Variants in LDHD observed in about 807,000 individuals in gnomAD.
LDHD encodes the protein D-lactate dehydrogenase, mitochondrial.
In LDHD, 58 loss-of-function variants were observed where a neutral mutation model predicts 52.9. The observed-to-expected ratio is 1.10, with a 90% confidence interval of 0.89 to 1.36. The LOEUF is 1.36. Ranked by LOEUF, LDHD falls within the 40% of genes most tolerant of loss-of-function variation. The probability of loss-of-function intolerance (pLI) is 0.00; values close to 1 mark genes in which losing one functional copy is unlikely to be tolerated. For synonymous variants in LDHD, 350 were observed against 288.6 expected, an observed-to-expected ratio of 1.21 and a Z score of -2.16; for missense variants, 747 against 668.0, an observed-to-expected ratio of 1.12 and a Z score of -1.30.
chr16:75,112,921 A>AG lies in LDHD; in HGVS notation c.1089dup (p.Tyr364LeufsTer38), dbSNP rs1339765605. 3 of 1,610,260 alleles carry AG rather than the reference A, an allele frequency of 1.9e-6. No individual in the cohort carries two copies. The South Asian group carries it at 3.3e-5, about 18-fold the overall frequency. On this transcript the variant is annotated frameshift_variant, in exon 9 of 11. Transcript: ENST00000450168. LOFTEE classifies it high-confidence loss of function. Reference sequence around the variant, plus strand: ...ATGGGCACACACACATCCGTGGAGTAGCCCTGGTCAGAGGGAAGCCTATGA... The same window carrying AG: ...ATGGGCACACACACATCCGTGGAGTAGGCCCTGGTCAGAGGGAAGCCTATGA...
Position 75,112,053 on chromosome 16 carries a change from G to A in LDHD, c.*303C>T. ...AGGGGTGTCATCAGAGTCTTGAATG[G>A]ACCCAGACGCTCTCTTCCCGCCAGG... On this transcript the variant is annotated 3_prime_UTR_variant, in exon 11 of 11. Coordinates refer to ENST00000450168, the MANE Select transcript of LDHD (RefSeq NM_194436.3). The A allele has an allele frequency of 2.8e-6, 1 of 354,258 alleles. No homozygotes were observed. Among genetic ancestry groups the A allele is most frequent in the Admixed American group, 4.3e-5 (1 of 23,176 alleles). The allele number at this position is 354,258 out of a possible 1,614,324, so 21.9% of individuals were successfully genotyped here.
intron 1 of LDHD, among the ~76,000 whole-genome samples, chr16:75,116,161 A>T (rs1271616571): frequency 6.6e-6 from 1 of 152,176 alleles, no homozygotes; most frequent in Non-Finnish European, 1.5e-5. Flanking sequence ...CTCCAGGGCC[A>T]ACCAAGCACC....
chr16:75,116,084 A>G (rs993041798), intron 1 of LDHD, among the ~76,000 whole-genome samples: 8 of 152,212 alleles, frequency 5.3e-5, no homozygotes, highest in African/African-American at 1.9e-4. Context: ...CAAAAAGGCT[A>G]TCAGCAGGGT....
At chr16:75,115,723 C>T in intron 1 of LDHD, 63 bp from the exon 2 acceptor site, 1 of 1,064,984 alleles carries the variant, frequency 9.4e-7, no homozygotes, top group Non-Finnish European at 1.4e-6. Flanking sequence ...AGCCCTGCCC[C>T]AGTGTCGGGG....
chr16:75,116,553 T>C, intron 1 of LDHD, 96 bp downstream of exon 1: 2 of 1,022,982 alleles, frequency 2.0e-6, no homozygotes, highest in Non-Finnish European at 3.0e-6. Context: ...CACTTGGTGC[T>C]GGGGCGTCAC....
chr16:75,116,285 G>A (rs2036554699), intron 1 of LDHD, among the ~76,000 whole-genome samples: 1 of 152,004 alleles, frequency 6.6e-6, no homozygotes, highest in Non-Finnish European at 1.5e-5. Context: ...CGTGGGGGGC[G>A]GGGCGCGGCG....
chr16:75,116,426 T>C (rs1245697495), intron 1 of LDHD, among the ~76,000 whole-genome samples: 1 of 152,114 alleles, frequency 6.6e-6, no homozygotes, highest in Non-Finnish European at 1.5e-5. Flanking sequence ...TCCAGGGGCA[T>C]CCATTTGACT....
chr16:75,113,428 C>G, intron 8 of LDHD, 107 bp downstream of exon 8: 1 of 1,374,830 alleles, frequency 7.3e-7, no homozygotes, highest in South Asian at 1.4e-5. Context: ...CAGGCCCAGC[C>G]CCGTTGTTGA....
chr16:75,112,993 G>A, intron 8 of LDHD, 69 bp from the exon 9 acceptor site: 1 of 1,196,196 alleles, frequency 8.4e-7, no homozygotes, highest in Non-Finnish European at 1.2e-6. Context: ...GGTCAAGGCT[G>A]AGGATGGGTC....
chr16:75,113,227 C>T (rs184406497), intron 8 of LDHD, among the ~76,000 whole-genome samples: 69 of 152,324 alleles, frequency 4.5e-4, no homozygotes, highest in African/African-American at 1.6e-3. Context: ...TAACATCCCC[C>T]TCTCTATCAT....
rs756986498 is a variant in LDHD, at chr16:75,114,900, C to A, written c.396G>T (p.Val132=). The change falls in exon 4 of 11, where the codon GTG becomes GTT. Residue 132 remains valine (V), a synonymous_variant. Coordinates refer to ENST00000450168, the MANE Select transcript of LDHD (RefSeq NM_194436.3). ...ILELNQEDFS[V]VVEPGVTRKA... Reference sequence around the variant, plus strand: ...TGCGGGTGACACCTGGCTCCACCACCACAGAGAAGTCCTCCTGGTTCAGCT... The same window carrying A: ...TGCGGGTGACACCTGGCTCCACCACAACAGAGAAGTCCTCCTGGTTCAGCT... The A allele has an allele frequency of 6.2e-7, 1 of 1,614,066 alleles. No individual in the cohort carries two copies. Among genetic ancestry groups the A allele is most frequent in the South Asian group, 1.1e-5 (1 of 91,086 alleles).
chr16:75,112,088 G>T lies in LDHD; in HGVS notation c.*268C>A. 2.3e-6 allele frequency: 1 copy of T among 442,712 alleles called. No homozygotes were observed. Among genetic ancestry groups the T allele is most frequent in the East Asian group, 3.6e-5 (1 of 27,946 alleles). 27.4% of individuals were successfully genotyped at this position (442,712 alleles called of 1,614,324 possible). On this transcript the variant is annotated 3_prime_UTR_variant, in exon 11 of 11. Coordinates refer to ENST00000450168, the MANE Select transcript of LDHD (RefSeq NM_194436.3). Reference sequence around the variant, plus strand: ...CTCTCTTCCCGCCAGGACAGGATGCGTAGGAGCAGAGAGGAAGCAGCTTTG... The same window carrying T: ...CTCTCTTCCCGCCAGGACAGGATGCTTAGGAGCAGAGAGGAAGCAGCTTTG...
chr16:75,113,356 A>G lies in LDHD; in HGVS notation c.1086+179T>C, dbSNP rs567829523. 3.9e-5 allele frequency among the ~76,000 whole-genome samples: 6 copies of G among 152,304 alleles called. No individual in the cohort carries two copies. In the South Asian group the frequency reaches 8.3e-4, roughly 21 times the overall value. ...TAGCAGACAACTGTGCTTTCCCTGT[A>G]GACGGTATCTGAACAGCTGGGTGGG... On this transcript the variant is annotated intron_variant, in intron 8 of 10. Coordinates refer to ENST00000450168, the MANE Select transcript of LDHD (RefSeq NM_194436.3).
Position 75,112,831 on chromosome 16 carries a change from A to G in LDHD, c.1177+3T>C. 6.2e-7 allele frequency: 1 copy of G among 1,612,646 alleles called. No individual in the cohort carries two copies. The highest frequency in any genetic ancestry group is 8.5e-7 in the Non-Finnish European group (1 of 1,179,322). On this transcript the variant is annotated splice_donor_region_variant and intron_variant, in intron 9 of 10. Coordinates refer to ENST00000450168, the MANE Select transcript of LDHD (RefSeq NM_194436.3). ...CTCTCCCCAGCAGCAGGGTGGGCAG[A>G]ACCTGTGAGTCCTGAGGCATTCAGA...
rs147378502 is a variant in LDHD at position 75,114,695 on chromosome 16, G to A, written c.470-10C>T. The A allele has an allele frequency of 1.5e-3, 2,300 of 1,534,684 alleles. 21 individuals carry two copies. The African/African-American group carries it at 0.024, about 16-fold the overall frequency. ...GCGTCCGCGCCTGGGTCTGGAGGGCGGCGTACAGAAGGCAGCCTCAGGGAC... is the reference window on the plus strand; with the variant it reads ...GCGTCCGCGCCTGGGTCTGGAGGGCAGCGTACAGAAGGCAGCCTCAGGGAC... On this transcript the variant is annotated splice_polypyrimidine_tract_variant and intron_variant, in intron 4 of 10. Transcript: ENST00000450168.
At position 75,113,975 on chromosome 16, in the gene LDHD, C is replaced by G. The variant is rs2036473669; in HGVS notation, c.820G>C (p.Ala274Pro). 6.3e-7 allele frequency: 1 copy of G among 1,599,144 alleles called. No individual in the cohort carries two copies. Among genetic ancestry groups the G allele is most frequent in the Non-Finnish European group, 8.5e-7 (1 of 1,172,106 alleles). ...VHILQAAVPV[A>P]RIEFLDEVMM... is the part of the protein sequence containing the mutation. ...CCCATCCTCAGCTCACCAATGCGGGCTACGGGCACTGCAGCCTGGAGGATG... is the reference window on the plus strand; with the variant it reads ...CCCATCCTCAGCTCACCAATGCGGGGTACGGGCACTGCAGCCTGGAGGATG... Residue 274 changes from alanine (A) to proline (P), a missense_variant, in exon 6 of 11, where the codon GCC becomes CCC. Ala to Pro is a conservative substitution (Grantham distance 27). Coordinates refer to ENST00000450168, the MANE Select transcript of LDHD (RefSeq NM_194436.3).
rs1027699075 is a variant in LDHD at position 75,112,352 on chromosome 16, C to T, written c.*4G>A. The T allele has an allele frequency of 1.9e-6, 3 of 1,605,498 alleles. No individual in the cohort carries two copies. The highest frequency in any genetic ancestry group is 1.3e-5 in the African/African-American group (1 of 74,792). ...AACTTGTGGGCTAAGTGCTCAGACC[C>T]CCTTCACAGCACTTTGCCTGGATTC... On this transcript the variant is annotated 3_prime_UTR_variant, in exon 11 of 11. Coordinates refer to ENST00000450168, the MANE Select transcript of LDHD (RefSeq NM_194436.3).
At position 75,116,644 on chromosome 16, in the gene LDHD, G is replaced by C. The variant is rs145496919; in HGVS notation, c.72+5C>G. 11 of 1,604,740 alleles carry C rather than the reference G, an allele frequency of 6.9e-6. No individual in the cohort carries two copies. In the South Asian group the frequency reaches 7.8e-5, roughly 11 times the overall value. On this transcript the variant is annotated splice_donor_5th_base_variant and intron_variant, in intron 1 of 10. Coordinates refer to ENST00000450168, the MANE Select transcript of LDHD (RefSeq NM_194436.3). Reference sequence around the variant, plus strand: ...CTCCAGAGGACTTCTCTTCTCTCCCGGTACCTTTGCCTTCTGGGAGCAGTA... The same window carrying C: ...CTCCAGAGGACTTCTCTTCTCTCCCCGTACCTTTGCCTTCTGGGAGCAGTA...
In LDHD at chr16:75,113,609, C is replaced by T. The variant is rs771707660; in HGVS notation, c.1012G>A (p.Glu338Lys). The T allele has an allele frequency of 1.5e-5, 25 of 1,613,118 alleles. 1 individual carries two copies. Among genetic ancestry groups the T allele is most frequent in the South Asian group, 9.9e-5 (9 of 91,092 alleles). ...GCTGTCCAAAGCCGGCTGCGCTCCT[C>T]GGCCTCCTTGGCCCAGGAGAAGTCA... Reference protein sequence around the residue: ...ASDFSWAKEAEERSRLWTARH... With the variant: ...ASDFSWAKEAKERSRLWTARH... Residue 338 changes from glutamate (E) to lysine (K), a missense_variant, in exon 8 of 11, where the codon GAG becomes AAG. By Grantham distance (56) the Glu-to-Lys change is moderately conservative (BLOSUM62 1). Coordinates refer to ENST00000450168, the MANE Select transcript of LDHD (RefSeq NM_194436.3).
Sources: allele counts gnomAD v4.1 joint callset (sites outside exome capture counted in the v4.1 genomes callset), GRCh38; gene constraint gnomAD v4.1.1; transcripts MANE v1.5; gene names NCBI Gene and HGNC (gene_info 2026-07-23, HGNC 2026-07-21).